NFIL3: variants seen among roughly 807,000 people sequenced by gnomAD.
NFIL3 encodes nuclear factor interleukin-3-regulated protein.
In NFIL3, 5 loss-of-function variants were observed where a neutral mutation model predicts 10.0. The observed-to-expected ratio is 0.50, with a 90% CI of 0.26 to 1.06. The LOEUF (loss-of-function observed/expected upper bound fraction) is 1.06. Ranked by LOEUF, NFIL3 falls within the 50% of genes least tolerant of loss-of-function variation. The pLI is 0.13. For missense variants in NFIL3, 436 were observed against 547.6 expected (o/e 0.80, Z 2.03); for synonymous variants, 202 against 206.5 (o/e 0.98, Z 0.19).
chr9:91,431,877 TC>T, the NFIL3 span, among the ~76,000 whole-genome samples: 3 of 152,182 alleles, frequency 2.0e-5, no homozygotes, highest in African/African-American at 7.2e-5. Context: ...CCAGTGTGTC[TC>T]CTTCCTGGAT....
the NFIL3 span, among the ~76,000 whole-genome samples, chr9:91,429,976 A>G: frequency 6.6e-6 from 1 of 152,102 alleles, no homozygotes; most frequent in Non-Finnish European, 1.5e-5. Flanking sequence ...ACAACCATTT[A>G]TAATTATAGT....
chr9:91,476,483 G>C, the NFIL3 span, among the ~76,000 whole-genome samples: 1 of 152,042 alleles, frequency 6.6e-6, no homozygotes, highest in African/African-American at 2.4e-5. Context: ...TGAGACAGGA[G>C]ACTTGCTTGA....
the NFIL3 span, among the ~76,000 whole-genome samples, chr9:91,458,527 CT>C: frequency 2.0e-5 from 3 of 151,742 alleles, no homozygotes; most frequent in Admixed American, 1.3e-4. Flanking sequence ...TTTCTTCTAT[CT>C]TTTTTTTCTG....
At chr9:91,430,162 G>A in the NFIL3 span, among the ~76,000 whole-genome samples, 1 of 152,134 alleles carries the variant, frequency 6.6e-6, no homozygotes, top group Non-Finnish European at 1.5e-5. Context: ...GTGTGTGCGT[G>A]TCCATATTAA....
At chr9:91,445,584 A>C in the NFIL3 span, among the ~76,000 whole-genome samples, 1 of 151,948 alleles carries the variant, frequency 6.6e-6, no homozygotes, top group Non-Finnish European at 1.5e-5. Context: ...TCAGCTCCAG[A>C]GTATGGCTAC....
upstream of NFIL3, among the ~76,000 whole-genome samples, chr9:91,425,678 A>G (rs1327479008): frequency 6.6e-6 from 1 of 152,184 alleles, no homozygotes; most frequent in Non-Finnish European, 1.5e-5. Context: ...TGGTCTTACT[A>G]TGTTGTCCAG....
the NFIL3 span, among the ~76,000 whole-genome samples, chr9:91,440,420 T>C: frequency 6.6e-6 from 1 of 152,038 alleles, no homozygotes; most frequent in South Asian, 2.1e-4. Context: ...GACTAGTAAG[T>C]GTTTTTAAAT....
upstream of NFIL3, among the ~76,000 whole-genome samples, chr9:91,424,388 C>A (rs1460987443): frequency 6.6e-6 from 1 of 152,224 alleles, no homozygotes; most frequent in African/African-American, 2.4e-5. Flanking sequence ...TCCCCGCACA[C>A]TCCCGAGAGG....
upstream of NFIL3, among the ~76,000 whole-genome samples, chr9:91,425,646 A>G (rs567864456): frequency 1.3e-5 from 2 of 152,348 alleles, no homozygotes; most frequent in East Asian, 3.9e-4. Context: ...CTTTTCTCAT[A>G]CATATATAAT....
At chr9:91,437,321 A>AT in the NFIL3 span, among the ~76,000 whole-genome samples, 2 of 152,240 alleles carry the variant, frequency 1.3e-5, no homozygotes. Context: ...TACATGTTAT[A>AT]TTTTTTGGAT....
chr9:91,457,092 C>T, the NFIL3 span, among the ~76,000 whole-genome samples: 1 of 152,006 alleles, frequency 6.6e-6, no homozygotes, highest in Admixed American at 6.6e-5. Flanking sequence ...TCTATCTTGA[C>T]ACTAATGTCT....
chr9:91,420,868 TTC>T (rs1448436886), intron 1 of NFIL3, among the ~76,000 whole-genome samples: 1 of 152,084 alleles, frequency 6.6e-6, no homozygotes, highest in African/African-American at 2.4e-5. Context: ...GAGATCAGTG[TTC>T]TCTCTCCTCT....
At chr9:91,476,986 T>C in the NFIL3 span, among the ~76,000 whole-genome samples, 1 of 152,228 alleles carries the variant, frequency 6.6e-6, no homozygotes, top group African/African-American at 2.4e-5. Flanking sequence ...TCCTGTTAAA[T>C]GATCTGACTT....
chr9:91,410,817 T>A lies in NFIL3; in HGVS notation c.-83A>T. The A allele has an allele frequency of 7.3e-7, 1 of 1,364,210 alleles. No individual in the cohort carries two copies. The highest frequency in any genetic ancestry group is 9.9e-7 in the Non-Finnish European group (1 of 1,009,466). 84.5% of individuals were successfully genotyped at this position (1,364,210 alleles called of 1,614,324 possible). On this transcript the variant is annotated 5_prime_UTR_variant, in exon 2 of 2. The change creates a premature stop within an existing upstream ORF in the 5' untranslated region. Transcript: ENST00000297689. This position sits in a 1 kb window ranked among gnomAD's most constrained non-coding sequence, Gnocchi z 5.7. ...CTCAAGCTCTTTAAAAACTCTGGTT[T>A]AAAATCCATCAATATTCTTCCTTTT...
the NFIL3 span, among the ~76,000 whole-genome samples, chr9:91,476,585 AC>A: frequency 1.3e-5 from 2 of 152,146 alleles, no homozygotes; most frequent in East Asian, 1.9e-4. Context: ...AAAAAAAAAA[AC>A]AATGTCCAAT....
At chr9:91,426,656 C>A (rs1038376186), upstream of NFIL3, among the ~76,000 whole-genome samples, 4 of 152,128 alleles carry the variant, frequency 2.6e-5, no homozygotes, top group African/African-American at 9.7e-5. Context: ...CAATCAACCA[C>A]ATTCTAATTC....
Position 91,410,012 on chromosome 9 carries a change from C to A in NFIL3, c.723G>T (p.Ala241=). The change falls in exon 2 of 2, where the codon GCG becomes GCT. Residue 241 remains alanine (A), a synonymous_variant. Transcript: ENST00000297689. The surrounding 1 kb of genome is among the most constrained non-coding windows in gnomAD (Gnocchi z 5.7). ...EPRDDRGSYT[A]SIYQNYMGNS... is the part of the protein sequence containing the mutation. ...TCCCCATATAGTTTTGATAGATGGA[C>A]GCTGTGTAAGAGCCTCGGTCATCTC... 6.2e-7 allele frequency: 1 copy of A among 1,612,816 alleles called. No individual in the cohort carries two copies. The highest frequency in any genetic ancestry group is 8.5e-7 in the Non-Finnish European group (1 of 1,179,988).
chr9:91,448,902 T>C, the NFIL3 span, among the ~76,000 whole-genome samples: 1 of 152,196 alleles, frequency 6.6e-6, no homozygotes, highest in African/African-American at 2.4e-5. Flanking sequence ...CCTAATTTCT[T>C]TCAGCAACGT....
the NFIL3 span, among the ~76,000 whole-genome samples, chr9:91,461,377 T>C: frequency 6.6e-6 from 1 of 152,166 alleles, no homozygotes; most frequent in Non-Finnish European, 1.5e-5. Flanking sequence ...AAGTTGTGTG[T>C]GTATGTGGGG....
Sources: gnomAD v4.1 joint callset for allele counts (sites outside exome capture counted in the v4.1 genomes callset) on GRCh38, gnomAD v4.1.1 for gene constraint, Gnocchi (gnomAD v3.1) non-coding constraint, MANE v1.5 for transcripts, NCBI Gene and HGNC (gene_info 2026-07-23, HGNC 2026-07-21) for gene names.